Variants in SGPL1 observed in about 807,000 individuals in gnomAD.
SGPL1 encodes sphingosine-1-phosphate lyase 1, also known as SP-lyase 1.
A neutral mutation model predicts 68.9 loss-of-function variants in SGPL1; 37 were observed. That is an observed-to-expected ratio of 0.54 (90% CI 0.41 to 0.71). The LOEUF is 0.71. Among genes scored for constraint, SGPL1 ranks in the 30% least tolerant of loss-of-function variants. The pLI is 0.00. For missense variants in SGPL1, 551 were observed against 704.6 expected, an observed-to-expected ratio of 0.78 and a Z score of 2.47; for synonymous variants, 236 against 248.5, an observed-to-expected ratio of 0.95 and a Z score of 0.47.
rs768255009 is a variant in SGPL1 at position 70,879,584 on chromosome 10, G to T, written c.*2249G>T. The T allele has an allele frequency of 6.6e-6, 1 of 152,632 alleles. No individual in the cohort carries two copies. Among genetic ancestry groups the T allele is most frequent in the Non-Finnish European group, 1.5e-5 (1 of 68,406 alleles). 9.5% of individuals were successfully genotyped at this position (152,632 alleles called of 1,614,324 possible). On this transcript the variant is annotated 3_prime_UTR_variant, in exon 15 of 15. Coordinates refer to ENST00000373202, the MANE Select transcript of SGPL1 (RefSeq NM_003901.4). Reference sequence around the variant, plus strand: ...CCAGAGCCACCCAGCAGACACCACTGTGGCTTGCCAGCTGCCAAGATGGAG... The same window carrying T: ...CCAGAGCCACCCAGCAGACACCACTTTGGCTTGCCAGCTGCCAAGATGGAG...
intron 2 of SGPL1, among the ~76,000 whole-genome samples, chr10:70,828,378 G>C (rs1049050375): frequency 6.6e-6 from 1 of 152,126 alleles, no homozygotes; most frequent in Non-Finnish European, 1.5e-5. Context: ...CAGGAGTGCG[G>C]TGGTGCGATC....
intron 2 of SGPL1, among the ~76,000 whole-genome samples, chr10:70,825,258 C>G (rs1845412651): frequency 1.3e-5 from 2 of 152,284 alleles, no homozygotes; most frequent in South Asian, 4.2e-4. Context: ...TTTTGCTACC[C>G]TCTGATCTCC....
chr10:70,854,398 C>A (rs1589463198), intron 4 of SGPL1, among the ~76,000 whole-genome samples: 2 of 152,196 alleles, frequency 1.3e-5, no homozygotes, highest in East Asian at 3.9e-4. Flanking sequence ...TGGTCTCGAA[C>A]TCCTGACCTG....
At chr10:70,832,190 T>G (rs551854776) in intron 2 of SGPL1, among the ~76,000 whole-genome samples, 2 of 152,228 alleles carry the variant, frequency 1.3e-5, no homozygotes, top group South Asian at 2.1e-4. Context: ...TTACTTCAGC[T>G]TTTAAAAGTA....
intron 8 of SGPL1, among the ~76,000 whole-genome samples, chr10:70,869,020 G>C (rs1846243872): frequency 6.6e-6 from 1 of 152,116 alleles, no homozygotes; most frequent in African/African-American, 2.4e-5. Flanking sequence ...TATTTTTACT[G>C]CAAGTATTAC....
intron 7 of SGPL1, among the ~76,000 whole-genome samples, chr10:70,865,522 CCTCTCCCACTCTGT>C (rs1431461951): frequency 6.6e-6 from 1 of 152,034 alleles, no homozygotes; most frequent in Non-Finnish European, 1.5e-5. Flanking sequence ...TGTCTTTTTC[CCTCTCCCACTCTGT>C]CTCCCCCACT....
intron 4 of SGPL1, among the ~76,000 whole-genome samples, chr10:70,852,390 T>G (rs1845897441): frequency 6.6e-6 from 1 of 152,184 alleles, no homozygotes; most frequent in African/African-American, 2.4e-5. Context: ...TTCTGTTTGC[T>G]CTCCAAATTA....
At chr10:70,865,279 T>G (rs896873639) in intron 7 of SGPL1, among the ~76,000 whole-genome samples, 2 of 152,188 alleles carry the variant, frequency 1.3e-5, no homozygotes, top group Non-Finnish European at 2.9e-5. Context: ...CTTGTTTGGT[T>G]GTTGTTATTG....
At chr10:70,873,312 C>A in intron 11 of SGPL1, 39 bp from the exon 12 acceptor site, 1 of 1,465,158 alleles carries the variant, frequency 6.8e-7, no homozygotes, top group South Asian at 1.1e-5. Flanking sequence ...CCAGACAGAA[C>A]TATACTCTCA....
chr10:70,873,392 T>C lies in SGPL1; in HGVS notation c.1101T>C (p.Ser367=), dbSNP rs972818538. The C allele has an allele frequency of 6.8e-6, 11 of 1,614,120 alleles. No individual in the cohort carries two copies. The Admixed American group carries it at 1.5e-4, about 22-fold the overall frequency. ...AAGGCTCATCATTGGTGTTGTATAG[T>C]GACAAGAAGTACAGGAACTATCAGT... ...APKGSSLVLY[S]DKKYRNYQFF... is the part of the protein sequence containing the mutation. The change falls in exon 12 of 15, where the codon AGT becomes AGC. Residue 367 remains serine (S), a synonymous_variant. Coordinates refer to ENST00000373202, the MANE Select transcript of SGPL1 (RefSeq NM_003901.4).
chr10:70,872,095 T>C (rs1027668271), intron 11 of SGPL1, 109 bp downstream of exon 11: 41 of 1,106,798 alleles, frequency 3.7e-5, no homozygotes, highest in Non-Finnish European at 4.7e-5. Flanking sequence ...AGAATTCTCA[T>C]CAGATGCTTG....
At chr10:70,826,633 C>G (rs1274359018) in intron 2 of SGPL1, among the ~76,000 whole-genome samples, 1 of 152,234 alleles carries the variant, frequency 6.6e-6, no homozygotes, top group Admixed American at 6.5e-5. Flanking sequence ...ACGCTTCACC[C>G]TGTTACAAAT....
intron 3 of SGPL1, among the ~76,000 whole-genome samples, chr10:70,846,233 T>C (rs554595681): frequency 7.9e-5 from 12 of 152,334 alleles, no homozygotes; most frequent in Admixed American, 2.0e-4. Flanking sequence ...CCGCTGCATC[T>C]GCTCAATGGT....
chr10:70,865,395 C>T (rs1385620841), intron 7 of SGPL1, among the ~76,000 whole-genome samples: 1 of 151,930 alleles, frequency 6.6e-6, no homozygotes, highest in African/African-American at 2.4e-5. Flanking sequence ...GCAATTAAAC[C>T]ATATCTCTAT....
intron 2 of SGPL1, among the ~76,000 whole-genome samples, chr10:70,843,186 C>G (rs1845742824): frequency 6.6e-6 from 1 of 152,144 alleles, no homozygotes; most frequent in African/African-American, 2.4e-5. Flanking sequence ...AGTGCTCCAT[C>G]TTGGCACTCA....
At chr10:70,816,904 C>A in intron 2 of SGPL1, 24 bp downstream of exon 2, 1 of 1,612,868 alleles carries the variant, frequency 6.2e-7, no homozygotes, top group Non-Finnish European at 8.5e-7. Flanking sequence ...AGACATCCTC[C>A]TGGTTCCAAG....
intron 4 of SGPL1, among the ~76,000 whole-genome samples, chr10:70,852,536 C>T (rs923849696): frequency 5.9e-5 from 9 of 151,958 alleles, no homozygotes; most frequent in East Asian, 1.9e-4. Context: ...TTCTTCTTTT[C>T]GTTCAGTTTT....
At chr10:70,866,016 C>T (rs16928030) in intron 7 of SGPL1, among the ~76,000 whole-genome samples, 9,151 of 152,248 alleles carry the variant, frequency 0.06, 408 homozygotes, top group African/African-American at 0.13. Flanking sequence ...ATTCCTGTTT[C>T]TCTTTGGGTA....
intron 11 of SGPL1, among the ~76,000 whole-genome samples, chr10:70,873,069 G>A (rs1349308351): frequency 6.6e-6 from 1 of 152,152 alleles, no homozygotes. Context: ...TTTTAAATAA[G>A]GTAAACCACA....
Sources: allele counts gnomAD v4.1 joint callset (sites outside exome capture counted in the v4.1 genomes callset), GRCh38; gene constraint gnomAD v4.1.1; transcripts MANE v1.5; gene names NCBI Gene and HGNC (gene_info 2026-07-23, HGNC 2026-07-21).